Variants in MAST4 observed in about 807,000 individuals in gnomAD.
MAST4 encodes microtubule-associated serine/threonine-protein kinase 4.
Under a neutral mutation model 162.7 loss-of-function variants are expected in MAST4, and 89 were observed. That is an observed-to-expected ratio of 0.55 (90% CI 0.46 to 0.65). The LOEUF is 0.65. Ranked by LOEUF, MAST4 falls within the 30% of genes least tolerant of loss-of-function variation. The pLI is 0.00. For synonymous variants in MAST4, 1,479 were observed against 1,361.1 expected (o/e 1.09, Z -1.91); for missense variants, 3,153 against 3,374.0 (o/e 0.93, Z 1.62).
chr5:67,033,315 C>CTCTCTG (rs1554084489), intron 4 of MAST4, among the ~76,000 whole-genome samples: 113 of 125,988 alleles, frequency 9.0e-4, no homozygotes, highest in African/African-American at 3.3e-3. Context: ...TTTCATTTCT[C>CTCTCTG]TGTGTGTGTG....
At chr5:66,672,320 T>A (rs1747661304) in intron 1 of MAST4, among the ~76,000 whole-genome samples, 1 of 152,204 alleles carries the variant, frequency 6.6e-6, no homozygotes, top group East Asian at 1.9e-4. Context: ...TTAAGTGAAA[T>A]GTCCTTCCTT....
At chr5:67,038,256 T>A (rs1756284421) in intron 4 of MAST4, among the ~76,000 whole-genome samples, 1 of 144,010 alleles carries the variant, frequency 6.9e-6, no homozygotes, top group South Asian at 2.2e-4. Context: ...TTTTTTTTTT[T>A]AACACAGATT....
At chr5:66,904,871 G>A (rs1487548951) in intron 4 of MAST4, among the ~76,000 whole-genome samples, 1 of 152,046 alleles carries the variant, frequency 6.6e-6, no homozygotes, top group Non-Finnish European at 1.5e-5. Flanking sequence ...CTGACACCCA[G>A]GTAGTGAGTG....
At chr5:67,124,077 TC>T (rs1767901149) in intron 14 of MAST4, among the ~76,000 whole-genome samples, 1 of 152,238 alleles carries the variant, frequency 6.6e-6, no homozygotes, top group South Asian at 2.1e-4. Context: ...CTGCTCTAGA[TC>T]CTGTCAGCTT....
chr5:66,719,310 T>C (rs1266498952), intron 1 of MAST4, among the ~76,000 whole-genome samples: 5 of 152,210 alleles, frequency 3.3e-5, no homozygotes, highest in African/African-American at 9.6e-5. Context: ...TAGTTTTTTT[T>C]CCCTTACGAA....
chr5:66,660,271 C>T (rs1388793409), intron 1 of MAST4, among the ~76,000 whole-genome samples: 1 of 152,106 alleles, frequency 6.6e-6, no homozygotes, highest in Non-Finnish European at 1.5e-5. Flanking sequence ...GCCTGTAATC[C>T]CAGCTACTCA....
chr5:66,733,278 G>A (rs1012538025), intron 1 of MAST4, among the ~76,000 whole-genome samples: 6 of 151,360 alleles, frequency 4.0e-5, no homozygotes, highest in African/African-American at 9.7e-5. Context: ...TTCCTCTCCC[G>A]CTCCCTCTAA....
chr5:66,614,693 T>C, intron 1 of MAST4, among the ~76,000 whole-genome samples: 1 of 152,124 alleles, frequency 6.6e-6, no homozygotes, highest in East Asian at 1.9e-4. Context: ...GGCAGATTTC[T>C]TTTGTGCCAA....
intron 4 of MAST4, among the ~76,000 whole-genome samples, chr5:66,949,934 T>C (rs146723415): frequency 2.6e-5 from 4 of 152,286 alleles, no homozygotes; most frequent in African/African-American, 9.6e-5. Flanking sequence ...CTGAAAGCTG[T>C]AAAACCTCTA....
chr5:66,913,241 C>A (rs1252724901), intron 4 of MAST4, among the ~76,000 whole-genome samples: 1 of 152,132 alleles, frequency 6.6e-6, no homozygotes, highest in African/African-American at 2.4e-5. Context: ...TACCCATCTC[C>A]CCCAGAAGTT....
In MAST4 at chr5:67,078,931, T is replaced by TAAATAAATAAATAA. The variant is rs1561622553; in HGVS notation, c.764-11230_764-11229insAATAAATAAATAAA. Among the ~76,000 whole-genome samples, 588 of 71,172 alleles carry TAAATAAATAAATAA rather than the reference T, an allele frequency of 8.3e-3. 8 individuals carry two copies. The highest frequency in any genetic ancestry group is 0.028 in the African/African-American group (377 of 13,448). The allele number at this position is 71,172 out of a possible 152,430, so 46.7% of individuals were successfully genotyped here. A position where few individuals can be genotyped will look rare whatever the true frequency, so the allele number is the denominator to read the frequency against. On this transcript the variant is annotated intron_variant, in intron 5 of 28. Transcript: ENST00000403625. Reference sequence around the variant, plus strand: ...ATATAAATATATATATATATATATATATATATATATATATATATATGGCAA... The same window carrying TAAATAAATAAATAA: ...ATATAAATATATATATATATATATATAAATAAATAAATAAATATATATATATATATATATGGCAA...
intron 1 of MAST4, among the ~76,000 whole-genome samples, chr5:66,656,659 G>C (rs1468493996): frequency 1.3e-5 from 2 of 152,166 alleles, no homozygotes; most frequent in Non-Finnish European, 2.9e-5. Flanking sequence ...GCAATGCAGA[G>C]ACAATTCTAA....
chr5:66,921,526 T>C (rs1445641482), intron 4 of MAST4, among the ~76,000 whole-genome samples: 1 of 152,010 alleles, frequency 6.6e-6, no homozygotes, highest in African/African-American at 2.4e-5. Flanking sequence ...GAAGGCCGAG[T>C]CAGGCAGATC....
At chr5:66,862,921 A>T (rs1385542607) in intron 3 of MAST4, among the ~76,000 whole-genome samples, 2 of 152,192 alleles carry the variant, frequency 1.3e-5, no homozygotes, top group African/African-American at 4.8e-5. Context: ...TCTTCCTGCT[A>T]TCCCTCAGAG....
intron 15 of MAST4, 81 bp downstream of exon 15, chr5:67,130,499 C>T: frequency 7.2e-7 from 1 of 1,394,074 alleles, no homozygotes; most frequent in Non-Finnish European, 9.9e-7. Flanking sequence ...GTATTTGTGC[C>T]ACATAATGGC....
intron 2 of MAST4, among the ~76,000 whole-genome samples, chr5:66,766,003 A>G (rs1378009146): frequency 6.6e-6 from 1 of 152,178 alleles, no homozygotes; most frequent in African/African-American, 2.4e-5. Flanking sequence ...GTAAACATTG[A>G]CTGAGCTTTG....
At chr5:66,928,296 C>T (rs948180042) in intron 4 of MAST4, among the ~76,000 whole-genome samples, 2 of 152,208 alleles carry the variant, frequency 1.3e-5, no homozygotes, top group Non-Finnish European at 2.9e-5. Context: ...TCTTTTCTTA[C>T]TGAGTTCTTC....
chr5:66,993,551 C>A (rs891464156), intron 4 of MAST4, among the ~76,000 whole-genome samples: 32 of 152,172 alleles, frequency 2.1e-4, no homozygotes, highest in Non-Finnish European at 4.1e-4. Context: ...AAGGTCAGGA[C>A]CACTTTGCTG....
chr5:66,941,501 G>A (rs576113061), intron 4 of MAST4, among the ~76,000 whole-genome samples: 2 of 152,184 alleles, frequency 1.3e-5, no homozygotes, highest in East Asian at 3.9e-4. Flanking sequence ...AGAGAATTAA[G>A]ACTTTGCTCT....
Sources: gnomAD v4.1 joint callset for allele counts (sites outside exome capture counted in the v4.1 genomes callset) on GRCh38, gnomAD v4.1.1 for gene constraint, MANE v1.5 for transcripts, NCBI Gene and HGNC (gene_info 2026-07-23, HGNC 2026-07-21) for gene names.